Variants in CCDC14 observed in about 807,000 individuals in gnomAD.
CCDC14 encodes coiled-coil domain-containing protein 14.
Under a neutral mutation model 81.4 loss-of-function variants are expected in CCDC14, and 71 were observed. That is an observed-to-expected ratio of 0.87 (90% CI 0.72 to 1.06). CCDC14 has a LOEUF of 1.06. Among genes scored for constraint, CCDC14 ranks in the 50% least tolerant of loss-of-function variants. CCDC14 has a pLI of 0.00. For missense variants in CCDC14, 1,046 were observed against 1,047.3 expected, an observed-to-expected ratio of 1.00 and a Z score of 0.02; for synonymous variants, 332 against 364.8, an observed-to-expected ratio of 0.91 and a Z score of 1.03.
At chr3:123,957,042 T>A (rs573277956) in intron 1 of CCDC14, 6 of 278,378 alleles carry the variant, frequency 2.2e-5, no homozygotes, top group Non-Finnish European at 4.0e-5. Flanking sequence ...TTTGTTCTTT[T>A]GTGACTGGCT....
At chr3:123,931,766 G>A (rs1482265698) in intron 10 of CCDC14, among the ~76,000 whole-genome samples, 1 of 152,000 alleles carries the variant, frequency 6.6e-6, no homozygotes, top group Non-Finnish European at 1.5e-5. Context: ...CCTTTTAAAA[G>A]AAAGAATACA....
intron 12 of CCDC14, among the ~76,000 whole-genome samples, chr3:123,921,878 T>C (rs1299591669): frequency 6.6e-6 from 1 of 152,236 alleles, no homozygotes; most frequent in Non-Finnish European, 1.5e-5. Context: ...TTAGACCAAA[T>C]AGATCTCATA....
intron 5 of CCDC14, among the ~76,000 whole-genome samples, chr3:123,899,876 C>T (rs1383728237): frequency 6.6e-6 from 1 of 152,208 alleles, no homozygotes; most frequent in African/African-American, 2.4e-5. Context: ...ATTTTCTGAA[C>T]ATGCCATGGT....
chr3:123,926,958 C>G (rs1200093240), intron 12 of CCDC14, among the ~76,000 whole-genome samples: 2 of 152,030 alleles, frequency 1.3e-5, no homozygotes, highest in African/African-American at 4.8e-5. Flanking sequence ...ACTCTAACGT[C>G]CAAAGTAAAA....
intron 12 of CCDC14, among the ~76,000 whole-genome samples, chr3:123,925,438 A>G (rs1018990502): frequency 1.3e-5 from 2 of 151,772 alleles, no homozygotes; most frequent in African/African-American, 4.8e-5. Context: ...CAGTAGGGTG[A>G]CTATACTTTT....
chr3:123,948,061 A>T (rs2036760582), intron 7 of CCDC14, among the ~76,000 whole-genome samples: 1 of 152,118 alleles, frequency 6.6e-6, no homozygotes, highest in African/African-American at 2.4e-5. Context: ...TAACAAATAC[A>T]AACCAGAAAC....
At chr3:123,937,316 T>G (rs2036108523) in intron 9 of CCDC14, among the ~76,000 whole-genome samples, 1 of 152,092 alleles carries the variant, frequency 6.6e-6, no homozygotes, top group Admixed American at 6.6e-5. Flanking sequence ...AATTGTGAAA[T>G]CCTTCACATC....
chr3:123,927,478 T>C (rs1485469486), intron 12 of CCDC14, among the ~76,000 whole-genome samples: 1 of 152,146 alleles, frequency 6.6e-6, no homozygotes, highest in African/African-American at 2.4e-5. Context: ...AAGCTGTTTC[T>C]AAATCTTTAG....
chr3:123,956,891 A>C (rs1385342383), intron 1 of CCDC14, 96 bp from the exon 2 acceptor site: 11 of 774,988 alleles, frequency 1.4e-5, no homozygotes, highest in Middle Eastern at 7.4e-4. Flanking sequence ...TTTTTCTTTT[A>C]TTCATCTTCT....
chr3:123,932,739 A>G (rs935339624), intron 10 of CCDC14, among the ~76,000 whole-genome samples: 7 of 152,172 alleles, frequency 4.6e-5, no homozygotes, highest in Non-Finnish European at 8.8e-5. Flanking sequence ...CAATTTGGCA[A>G]TATCTGTCAC....
intron 9 of CCDC14, among the ~76,000 whole-genome samples, chr3:123,942,667 G>C (rs937240488): frequency 6.6e-6 from 1 of 151,992 alleles, no homozygotes; most frequent in African/African-American, 2.4e-5. Flanking sequence ...TTATGCAGCT[G>C]TAACACTCTC....
Position 123,961,048 on chromosome 3 carries a change from G to C in CCDC14, c.30+96C>G, listed in dbSNP as rs571762563. The C allele has an allele frequency of 8.8e-4, 967 of 1,097,178 alleles. 1 individual carries two copies. The highest frequency in any genetic ancestry group is 1.1e-3 in the Non-Finnish European group (820 of 772,666). The allele number at this position is 1,097,178 out of a possible 1,614,324, so 68.0% of individuals were successfully genotyped here. ...ACTTTAATGTCGCCGCATTGTCTTT[G>C]TCTTTTTTCGAGCAGAGTTTTACAA... On this transcript the variant is annotated intron_variant, in intron 1 of 12. Transcript: ENST00000409697.
downstream of CCDC14, among the ~76,000 whole-genome samples, chr3:123,894,145 A>G (rs2034028172): frequency 6.6e-6 from 1 of 152,174 alleles, no homozygotes. Flanking sequence ...ATGTTTGTAC[A>G]TGGTATAAGG....
chr3:123,941,408 T>C (rs2036345441), intron 9 of CCDC14, among the ~76,000 whole-genome samples: 1 of 151,918 alleles, frequency 6.6e-6, no homozygotes, highest in Non-Finnish European at 1.5e-5. Context: ...AAGAAACATG[T>C]AGTTTCCAAA....
chr3:123,898,761 C>T (rs1318487751), intron 5 of CCDC14, among the ~76,000 whole-genome samples: 3 of 152,170 alleles, frequency 2.0e-5, no homozygotes, highest in Non-Finnish European at 1.5e-5. Flanking sequence ...AATCTTGGCT[C>T]ACTGTAGCCT....
In CCDC14 at chr3:123,956,099, C is replaced by T; in HGVS notation, c.176G>A (p.Gly59Glu). The T allele has an allele frequency of 9.7e-6, 15 of 1,546,740 alleles. No homozygotes were observed. Among genetic ancestry groups the T allele is most frequent in the Non-Finnish European group, 1.3e-5 (15 of 1,145,546 alleles). The change falls in exon 4 of 13, where the codon GGG becomes GAG. Residue 59 changes from glycine (G) to glutamate (E), a missense_variant. Coordinates refer to ENST00000409697, the MANE Select transcript of CCDC14 (RefSeq NM_001366335.1). The stretch of plus-strand genomic sequence containing the variant: ...CAGCAAAGAAGCACAACCATCAAGC[C>T]CGTGTACAGTTTCAGCCTGTAAGAA... ...DSESQAETVHGLDGCASLLRD... is the reference protein window; with the variant it reads ...DSESQAETVHELDGCASLLRD...
In CCDC14 at chr3:123,954,077, TCA is replaced by T. The variant is rs547320584; in HGVS notation, c.352+1764_352+1765del. The T allele has an allele frequency of 5.3e-5, 8 of 152,248 alleles. No homozygotes were observed. In the South Asian group the frequency reaches 1.7e-3, roughly 32 times the overall value. The allele number at this position is 152,248 out of a possible 1,614,324, so 9.4% of individuals were successfully genotyped here. On this transcript the variant is annotated intron_variant, in intron 5 of 12. Coordinates refer to ENST00000409697, the MANE Select transcript of CCDC14 (RefSeq NM_001366335.1). ...TTGATACCATGACACCCACTGCCAG[TCA>T]CATATATTGCAAATAATAGTTCCTT... is the stretch of plus-strand genomic sequence containing the variant.
chr3:123,913,440 A>AT lies in CCDC14; in HGVS notation c.*1338dup. On this transcript the variant is annotated 3_prime_UTR_variant, in exon 13 of 13. Transcript: ENST00000409697. ...GACACAATTTTTTTCCTTTTTTATT[A>AT]TTTTTTATTTCTGAACTTATTTGTT... is the stretch of plus-strand genomic sequence containing the variant. The AT allele has an allele frequency of 4.1e-6, 4 of 980,594 alleles. No homozygotes were observed. Among genetic ancestry groups the AT allele is most frequent in the Non-Finnish European group, 4.8e-6 (4 of 825,720 alleles). The allele number at this position is 980,594 out of a possible 1,614,324, so 60.7% of individuals were successfully genotyped here.
chr3:123,913,561 ATAG>A lies in CCDC14; in HGVS notation c.*1215_*1217del, dbSNP rs1276785821. On this transcript the variant is annotated 3_prime_UTR_variant, in exon 13 of 13. Coordinates refer to ENST00000409697, the MANE Select transcript of CCDC14 (RefSeq NM_001366335.1). ...AGATGCTAATGGACTCTTGTGTGAA[ATAG>A]TTTAGAATTCACTTAATAAATTTTT... 6.1e-6 allele frequency: 6 copies of A among 980,784 alleles called. No homozygotes were observed. The African/African-American group carries it at 8.7e-5, about 14-fold the overall frequency. 60.8% of individuals were successfully genotyped at this position (980,784 alleles called of 1,614,324 possible).
Sources: gnomAD v4.1 joint callset for allele counts (sites outside exome capture counted in the v4.1 genomes callset) on GRCh38, gnomAD v4.1.1 for gene constraint, MANE v1.5 for transcripts, NCBI Gene and HGNC (gene_info 2026-07-23, HGNC 2026-07-21) for gene names.